The following FRMD4A variants were observed in gnomAD, a reference collection of about 807,000 sequenced individuals.
The protein encoded by FRMD4A is FERM domain-containing protein 4A.
Under a neutral mutation model 129.1 loss-of-function variants are expected in FRMD4A, and 29 were observed. That is an observed-to-expected ratio of 0.22 (90% confidence interval 0.17 to 0.31). The LOEUF (loss-of-function observed/expected upper bound fraction) is 0.31. Among genes scored for constraint, FRMD4A ranks in the 10% least tolerant of loss-of-function variants. The pLI is 1.00. For missense variants in FRMD4A, 1,272 were observed against 1,375.8 expected (o/e 0.92, Z 1.19); for synonymous variants, 634 against 571.6 (o/e 1.11, Z -1.56).
At chr10:13,904,701 G>T (rs1589227286) in intron 2 of FRMD4A, among the ~76,000 whole-genome samples, 1 of 152,250 alleles carries the variant, frequency 6.6e-6, no homozygotes, top group South Asian at 2.1e-4. Context: ...CTAATAAAAA[G>T]CAGGGGAGTC....
At chr10:14,062,456 T>C (rs1834859718) in intron 2 of FRMD4A, among the ~76,000 whole-genome samples, 2 of 152,172 alleles carry the variant, frequency 1.3e-5, no homozygotes, top group African/African-American at 4.8e-5. Flanking sequence ...TGGCCAATGC[T>C]GAAGGGAAAG....
chr10:13,655,243 A>G (rs577715519), intron 22 of FRMD4A: 2 of 152,374 alleles, frequency 1.3e-5, no homozygotes, highest in East Asian at 3.9e-4. Context: ...ATTTTAGTCT[A>G]AAATATGTTC....
chr10:14,285,889 T>C (rs922641416), intron 2 of FRMD4A, among the ~76,000 whole-genome samples: 10 of 152,206 alleles, frequency 6.6e-5, no homozygotes, highest in Non-Finnish European at 1.3e-4. Context: ...ATGGTAATGA[T>C]GATGTTTTGG....
intron 8 of FRMD4A, among the ~76,000 whole-genome samples, chr10:13,750,132 G>T (rs1267305775): frequency 2.0e-5 from 3 of 148,542 alleles, no homozygotes; most frequent in Non-Finnish European, 4.5e-5. Flanking sequence ...AAGAAAGAAA[G>T]AAAGAAAGAA....
chr10:14,201,954 C>T lies in FRMD4A; in HGVS notation c.45+128104G>A, dbSNP rs185500386. On this transcript the variant is annotated intron_variant, in intron 2 of 24. Coordinates refer to ENST00000357447, the MANE Select transcript of FRMD4A (RefSeq NM_018027.5). ...GACCAGCCTGGCCAACATGGTGAAA[C>T]GCCGTCTCTACTGAAAAACAAACAA... is the stretch of plus-strand genomic sequence containing the variant. Among the ~76,000 whole-genome samples the T allele has an allele frequency of 5.6e-3, 858 of 152,110 alleles. 25 individuals are homozygous for T. Among genetic ancestry groups the T allele is most frequent in the Admixed American group, 0.053 (813 of 15,260 alleles).
chr10:14,225,507 G>A (rs923532945), intron 2 of FRMD4A, among the ~76,000 whole-genome samples: 8 of 152,224 alleles, frequency 5.3e-5, no homozygotes, highest in Non-Finnish European at 1.2e-4. Context: ...ATAACAAAAG[G>A]AAATTCTTTT....
intron 2 of FRMD4A, among the ~76,000 whole-genome samples, chr10:14,115,432 G>C (rs1395083354): frequency 6.6e-6 from 1 of 152,184 alleles, no homozygotes; most frequent in Non-Finnish European, 1.5e-5. Context: ...ACTAGTCTTA[G>C]AGTCTTCTTC....
chr10:14,247,745 G>A (rs142841195), intron 2 of FRMD4A, among the ~76,000 whole-genome samples: 82 of 152,304 alleles, frequency 5.4e-4, no homozygotes, highest in African/African-American at 1.3e-3. Flanking sequence ...CACAGGACCC[G>A]CTCTGATTGT....
intron 2 of FRMD4A, among the ~76,000 whole-genome samples, chr10:13,940,941 C>G (rs142928763): frequency 6.6e-6 from 1 of 152,264 alleles, no homozygotes; most frequent in Non-Finnish European, 1.5e-5. Flanking sequence ...ATTCTCTACT[C>G]TCTGGTGCTA....
At chr10:14,131,398 C>G (rs533819682) in intron 2 of FRMD4A, among the ~76,000 whole-genome samples, 2 of 144,570 alleles carry the variant, frequency 1.4e-5, no homozygotes, top group South Asian at 4.3e-4. Flanking sequence ...CTCACTGTGC[C>G]CCCCCCGGCC....
chr10:13,884,627 T>C (rs1159182912), intron 2 of FRMD4A, among the ~76,000 whole-genome samples: 3 of 152,170 alleles, frequency 2.0e-5, no homozygotes, highest in Non-Finnish European at 2.9e-5. Flanking sequence ...ACCGACCTTC[T>C]CTACCTTAAT....
intron 5 of FRMD4A, among the ~76,000 whole-genome samples, chr10:13,794,985 C>T (rs1029703060): frequency 1.3e-5 from 2 of 152,142 alleles, no homozygotes; most frequent in Admixed American, 6.5e-5. Flanking sequence ...CGTCAAGGTG[C>T]CCCAAGCTCT....
chr10:13,695,942 C>T (rs368051038), intron 14 of FRMD4A, among the ~76,000 whole-genome samples: 18 of 152,332 alleles, frequency 1.2e-4, no homozygotes, highest in African/African-American at 3.8e-4. Context: ...CAGCGACTTC[C>T]GACCTCATGT....
chr10:14,324,562 A>G (rs1055499232), intron 2 of FRMD4A, among the ~76,000 whole-genome samples: 12 of 152,218 alleles, frequency 7.9e-5, no homozygotes, highest in African/African-American at 2.9e-4. Context: ...TGTAATTATT[A>G]TTCTCCAAAT....
At chr10:14,292,412 T>G (rs941267715) in intron 2 of FRMD4A, among the ~76,000 whole-genome samples, 1 of 152,232 alleles carries the variant, frequency 6.6e-6, no homozygotes, top group African/African-American at 2.4e-5. Flanking sequence ...CAATCAATGA[T>G]GCAGAGACAT....
At position 13,894,916 on chromosome 10, in the gene FRMD4A, T is replaced by C. The variant is rs143609203; in HGVS notation, c.46-36004A>G. 1.2e-3 allele frequency among the ~76,000 whole-genome samples: 182 copies of C among 152,364 alleles called. 1 individual carries two copies. The highest frequency in any genetic ancestry group is 4.2e-3 in the African/African-American group (174 of 41,582). ...CTGGCCACCCACTAGCTGTGCAAGC[T>C]TAGGCAAGTTTCTTAACCTCTCTGT... is the stretch of plus-strand genomic sequence containing the variant. On this transcript the variant is annotated intron_variant, in intron 2 of 24. Transcript: ENST00000357447.
chr10:13,970,650 C>G (rs2095512171), intron 2 of FRMD4A, among the ~76,000 whole-genome samples: 1 of 152,022 alleles, frequency 6.6e-6, no homozygotes, highest in Non-Finnish European at 1.5e-5. Flanking sequence ...TGAGCGACAC[C>G]CCCCTTCAAG....
At chr10:13,691,718 T>G (rs1177240226) in intron 15 of FRMD4A, among the ~76,000 whole-genome samples, 3 of 152,162 alleles carry the variant, frequency 2.0e-5, no homozygotes, top group African/African-American at 4.8e-5. Flanking sequence ...GAATCCAAGC[T>G]GAAGTCAGCC....
intron 3 of FRMD4A, among the ~76,000 whole-genome samples, chr10:13,830,254 C>T (rs953564004): frequency 6.6e-6 from 1 of 152,212 alleles, no homozygotes; most frequent in East Asian, 1.9e-4. Context: ...CCTCCATTTG[C>T]AGGAGGAAGG....
Sources: allele counts gnomAD v4.1 joint callset (sites outside exome capture counted in the v4.1 genomes callset), GRCh38; gene constraint gnomAD v4.1.1; transcripts MANE v1.5; gene names NCBI Gene and HGNC (gene_info 2026-07-23, HGNC 2026-07-21).